SLC39A12: variants seen among roughly 807,000 people sequenced by gnomAD.
SLC39A12 encodes zinc transporter ZIP12.
SLC39A12 carries 63 observed loss-of-function variants against 71.1 expected under a neutral mutation model. That is an observed-to-expected ratio of 0.89 (90% CI 0.72 to 1.09). The LOEUF is 1.09. Ranked by LOEUF, SLC39A12 falls within the 50% of genes least tolerant of loss-of-function variation. SLC39A12 has a pLI of 0.00. For missense variants in SLC39A12, 892 were observed against 812.6 expected (o/e 1.10, Z -1.19); for synonymous variants, 351 against 301.3 (o/e 1.16, Z -1.71).
At chr10:17,977,320 C>CT (rs907400166) in intron 4 of SLC39A12, among the ~76,000 whole-genome samples, 42 of 144,872 alleles carry the variant, frequency 2.9e-4, no homozygotes, top group East Asian at 4.0e-4. Flanking sequence ...TTATTGACTG[C>CT]TTTTTTTTTT....
intron 12 of SLC39A12, among the ~76,000 whole-genome samples, chr10:18,003,991 G>A (rs539307538): frequency 2.0e-5 from 3 of 152,148 alleles, no homozygotes. Context: ...AAATTGCAAC[G>A]TATGTTTCCT....
chr10:18,036,320 T>C (rs1368793719), intron 12 of SLC39A12, among the ~76,000 whole-genome samples: 4 of 152,048 alleles, frequency 2.6e-5, no homozygotes, highest in Non-Finnish European at 5.9e-5. Context: ...CGTAGGACCC[T>C]CCGAGCCAGG....
chr10:17,999,310 A>G (rs1589239433), intron 10 of SLC39A12, among the ~76,000 whole-genome samples: 2 of 151,360 alleles, frequency 1.3e-5, no homozygotes, highest in South Asian at 4.2e-4. Flanking sequence ...AAAAAAAAAA[A>G]AAAAAAAAGG....
chr10:17,977,183 T>TATTA (rs539386218), intron 4 of SLC39A12, among the ~76,000 whole-genome samples: 1,611 of 152,234 alleles, frequency 0.011, 31 homozygotes, highest in African/African-American at 0.035. Flanking sequence ...TAAAAATTGC[T>TATTA]ATTGATTTTT....
intron 10 of SLC39A12, among the ~76,000 whole-genome samples, chr10:17,996,201 C>A (rs1835679131): frequency 6.6e-6 from 1 of 152,154 alleles, no homozygotes; most frequent in Non-Finnish European, 1.5e-5. Flanking sequence ...ACATCTTATT[C>A]TATAACTCAT....
At chr10:17,970,829 C>T (rs1407052399) in intron 4 of SLC39A12, among the ~76,000 whole-genome samples, 2 of 151,882 alleles carry the variant, frequency 1.3e-5, no homozygotes, top group Non-Finnish European at 2.9e-5. Context: ...CTAGGATGTC[C>T]AGTACTATGT....
At chr10:18,025,004 C>T (rs956743414) in intron 12 of SLC39A12, among the ~76,000 whole-genome samples, 3 of 152,086 alleles carry the variant, frequency 2.0e-5, no homozygotes, top group Admixed American at 2.0e-4. Flanking sequence ...TTGTAGATGG[C>T]AAGTAGTTTG....
chr10:17,976,597 TA>T (rs1835115847), intron 4 of SLC39A12, among the ~76,000 whole-genome samples: 1 of 151,992 alleles, frequency 6.6e-6, no homozygotes, highest in African/African-American at 2.4e-5. Context: ...TTTATATATA[TA>T]TTTTTTTGTA....
intron 8 of SLC39A12, among the ~76,000 whole-genome samples, chr10:17,992,292 A>G (rs951326070): frequency 6.6e-6 from 1 of 152,204 alleles, no homozygotes; most frequent in Non-Finnish European, 1.5e-5. Flanking sequence ...GGATAGCTCA[A>G]TATTTACATT....
chr10:17,989,400 G>C lies in SLC39A12; in HGVS notation c.1269+1749G>C, dbSNP rs188381921. 2.8e-3 allele frequency among the ~76,000 whole-genome samples: 419 copies of C among 152,300 alleles called. 2 individuals are homozygous for C. Among genetic ancestry groups the C allele is most frequent in the African/African-American group, 9.5e-3 (395 of 41,562 alleles). On this transcript the variant is annotated intron_variant, in intron 7 of 12. Transcript: ENST00000377369. ...TCAGGGCTTATGACTGAGTAGAGGC[G>C]GCGGCCCAGGCCTTTTTTCTAGGTC...
At chr10:18,023,702 G>A (rs1836597211) in intron 12 of SLC39A12, among the ~76,000 whole-genome samples, 1 of 152,280 alleles carries the variant, frequency 6.6e-6, no homozygotes, top group African/African-American at 2.4e-5. Flanking sequence ...AGTGATCAGG[G>A]TCTTTATTCT....
At chr10:17,997,996 A>G (rs1835732525) in intron 10 of SLC39A12, among the ~76,000 whole-genome samples, 1 of 152,158 alleles carries the variant, frequency 6.6e-6, no homozygotes, top group African/African-American at 2.4e-5. Context: ...CTTATCTTCC[A>G]CTAAATAATT....
intron 4 of SLC39A12, among the ~76,000 whole-genome samples, chr10:17,977,141 T>C (rs553025132): frequency 4.4e-4 from 67 of 152,284 alleles, no homozygotes; most frequent in African/African-American, 1.5e-3. Flanking sequence ...AGAATTTTCA[T>C]TTGGACATTT....
intron 7 of SLC39A12, among the ~76,000 whole-genome samples, chr10:17,989,267 C>T (rs1341520146): frequency 2.0e-5 from 3 of 152,178 alleles, no homozygotes; most frequent in South Asian, 2.1e-4. Context: ...CTTGTTGCTT[C>T]GAGGCTCAAT....
At chr10:18,030,618 TTATG>T (rs1215398515) in intron 12 of SLC39A12, among the ~76,000 whole-genome samples, 184 of 103,302 alleles carry the variant, frequency 1.8e-3, no homozygotes, top group African/African-American at 5.4e-3. Flanking sequence ...TTTTATTTAT[TTATG>T]TATTTATTTA....
chr10:18,016,189 A>G (rs1564658091), intron 12 of SLC39A12, among the ~76,000 whole-genome samples: 1 of 152,070 alleles, frequency 6.6e-6, no homozygotes, highest in East Asian at 1.9e-4. Context: ...TGTTTTGCAT[A>G]TTTGTTTATT....
intron 12 of SLC39A12, among the ~76,000 whole-genome samples, chr10:18,017,104 A>G (rs1460821471): frequency 1.3e-5 from 2 of 152,120 alleles, no homozygotes; most frequent in African/African-American, 4.8e-5. Flanking sequence ...GCCCAAATAA[A>G]TTATTTACTT....
intron 7 of SLC39A12, among the ~76,000 whole-genome samples, chr10:17,989,887 G>A (rs1459118658): frequency 6.6e-6 from 1 of 151,984 alleles, no homozygotes; most frequent in East Asian, 1.9e-4. Context: ...CACTGCCCTG[G>A]GCAACAGAAC....
intron 12 of SLC39A12, among the ~76,000 whole-genome samples, chr10:18,042,386 C>T (rs747235787): frequency 5.3e-5 from 8 of 150,404 alleles, no homozygotes; most frequent in Admixed American, 2.0e-4. Flanking sequence ...TTGCTGGAGC[C>T]CAGGAGGTTG....
Sources: gnomAD v4.1 joint callset for allele counts (sites outside exome capture counted in the v4.1 genomes callset) on GRCh38, gnomAD v4.1.1 for gene constraint, MANE v1.5 for transcripts, NCBI Gene and HGNC (gene_info 2026-07-23, HGNC 2026-07-21) for gene names.